Variants in VAC14 observed in about 807,000 individuals in gnomAD.
VAC14 encodes protein VAC14 homolog.
A neutral mutation model predicts 85.3 loss-of-function variants in VAC14; 47 were observed. The ratio of observed to expected loss-of-function variants is 0.55; its 90% CI spans 0.44 to 0.70. The LOEUF (loss-of-function observed/expected upper bound fraction) is 0.70, where lower values mean the gene tolerates loss of function less well. Among genes scored for constraint, VAC14 ranks in the 30% least tolerant of loss-of-function variants. The probability of loss-of-function intolerance (pLI) is 0.00; values close to 1 mark genes in which losing one functional copy is unlikely to be tolerated. For missense variants in VAC14, 861 were observed against 1,004.3 expected (o/e 0.86, Z 1.93); for synonymous variants, 447 against 430.5 (o/e 1.04, Z -0.47).
intron 14 of VAC14, among the ~76,000 whole-genome samples, chr16:70,700,503 A>C (rs2053804140): frequency 6.6e-6 from 1 of 152,188 alleles, no homozygotes; most frequent in South Asian, 2.1e-4. Flanking sequence ...GGCAATACCT[A>C]TCTGTGAAAT....
chr16:70,724,579 C>T (rs575341361), intron 14 of VAC14, among the ~76,000 whole-genome samples: 95 of 152,334 alleles, frequency 6.2e-4, no homozygotes, highest in Middle Eastern at 3.4e-3. Context: ...CCCTGCCATT[C>T]CCATTGCGAA....
intron 18 of VAC14, chr16:70,690,332 G>T: frequency 1.0e-6 from 1 of 985,622 alleles, no homozygotes; most frequent in Non-Finnish European, 1.2e-6. Flanking sequence ...ACCTAATGCA[G>T]ATGGCTGCTC....
intron 16 of VAC14, 138 bp from the exon 17 acceptor site, chr16:70,695,761 G>A (rs2053694218): frequency 2.7e-6 from 2 of 733,002 alleles, no homozygotes; most frequent in Non-Finnish European, 4.6e-6. Context: ...GCGCACAAAG[G>A]ACACCAGGCT....
chr16:70,710,927 C>T (rs903493452), intron 14 of VAC14, among the ~76,000 whole-genome samples: 1 of 152,270 alleles, frequency 6.6e-6, no homozygotes, highest in African/African-American at 2.4e-5. Context: ...TTCAAAGGAC[C>T]TCCTGCGCTC....
intron 7 of VAC14, 61 bp from the exon 8 acceptor site, chr16:70,782,064 A>G: frequency 1.3e-6 from 2 of 1,587,826 alleles, no homozygotes; most frequent in South Asian, 1.1e-5. Flanking sequence ...GCTCCCTCCC[A>G]TTGACCATAC....
At chr16:70,708,552 T>G (rs958526742) in intron 14 of VAC14, among the ~76,000 whole-genome samples, 7 of 152,302 alleles carry the variant, frequency 4.6e-5, no homozygotes, top group Non-Finnish European at 1.0e-4. Flanking sequence ...TCAGCAGGTG[T>G]TTGACTCACA....
intron 15 of VAC14, 85 bp downstream of exon 15, chr16:70,698,552 G>A: frequency 1.3e-6 from 2 of 1,539,210 alleles, no homozygotes; most frequent in Middle Eastern, 2.0e-4. Context: ...GAGCCTCCTG[G>A]GGCCAGCCGA....
intron 18 of VAC14, chr16:70,690,066 G>A (rs759922481): frequency 8.1e-6 from 8 of 985,390 alleles, no homozygotes; most frequent in Non-Finnish European, 9.6e-6. Flanking sequence ...GGGAGCTTAG[G>A]GGCCTTTAGA....
intron 14 of VAC14, among the ~76,000 whole-genome samples, chr16:70,726,828 C>A (rs1191727525): frequency 6.6e-6 from 1 of 152,208 alleles, no homozygotes; most frequent in Non-Finnish European, 1.5e-5. Flanking sequence ...ACTGGCTTCA[C>A]CTTGACATGC....
chr16:70,711,418 C>G (rs1244607160), intron 14 of VAC14, among the ~76,000 whole-genome samples: 1 of 152,064 alleles, frequency 6.6e-6, no homozygotes, highest in Non-Finnish European at 1.5e-5. Flanking sequence ...TGAGGCCCCA[C>G]CCCCACCTGT....
At chr16:70,760,588 A>C (rs545752053) in intron 12 of VAC14, among the ~76,000 whole-genome samples, 6 of 152,052 alleles carry the variant, frequency 3.9e-5, no homozygotes, top group East Asian at 1.9e-4. Flanking sequence ...CACCCTCCCC[A>C]GTGCAGGCCC....
chr16:70,730,017 G>A (rs181921170), intron 14 of VAC14, among the ~76,000 whole-genome samples: 9 of 151,644 alleles, frequency 5.9e-5, no homozygotes, highest in Admixed American at 5.3e-4. Context: ...CTCCCACCTC[G>A]GGGACTGGCA....
chr16:70,696,442 G>A (rs1384639936), intron 16 of VAC14, among the ~76,000 whole-genome samples: 1 of 152,218 alleles, frequency 6.6e-6, no homozygotes, highest in African/African-American at 2.4e-5. Flanking sequence ...AAACCCAGGA[G>A]GCGGAGGTTG....
intron 16 of VAC14, 84 bp downstream of exon 16, chr16:70,697,055 C>A (rs1301772274): frequency 2.1e-5 from 24 of 1,165,944 alleles, no homozygotes; most frequent in African/African-American, 3.0e-5. Context: ...GGCACTTGGG[C>A]CCGCCTGTTG....
At chr16:70,788,982 T>G (rs1263568550) in intron 1 of VAC14, among the ~76,000 whole-genome samples, 1 of 152,242 alleles carries the variant, frequency 6.6e-6, no homozygotes, top group Non-Finnish European at 1.5e-5. Context: ...CTTGATGCCT[T>G]CACCTTAAGG....
At chr16:70,788,466 T>G (rs934457073) in intron 1 of VAC14, among the ~76,000 whole-genome samples, 1 of 152,204 alleles carries the variant, frequency 6.6e-6, no homozygotes, top group Non-Finnish European at 1.5e-5. Context: ...GGACTGGGAC[T>G]GTGGATGAAC....
intron 12 of VAC14, among the ~76,000 whole-genome samples, chr16:70,759,853 T>A (rs1190492903): frequency 1.3e-5 from 2 of 152,078 alleles, no homozygotes; most frequent in Non-Finnish European, 2.9e-5. Context: ...GAGGAAGCGA[T>A]TAAGGGCCCA....
chr16:70,715,140 G>C (rs1376881622), intron 14 of VAC14: 2 of 152,274 alleles, frequency 1.3e-5, no homozygotes, highest in Non-Finnish European at 2.9e-5. Flanking sequence ...CCACACTCCA[G>C]GTTGCCCAGA....
intron 14 of VAC14, among the ~76,000 whole-genome samples, chr16:70,704,532 G>A (rs2053886435): frequency 6.6e-6 from 1 of 152,242 alleles, no homozygotes; most frequent in Admixed American, 6.5e-5. Flanking sequence ...AAGAGGGGCT[G>A]TGCAAACACT....
Sources: allele counts gnomAD v4.1 joint callset (sites outside exome capture counted in the v4.1 genomes callset), GRCh38; gene constraint gnomAD v4.1.1; transcripts MANE v1.5; gene names NCBI Gene and HGNC (gene_info 2026-07-23, HGNC 2026-07-21).